The following ELAC2 variants were observed in gnomAD, a reference collection of about 807,000 sequenced individuals.
The protein encoded by ELAC2 is zinc phosphodiesterase ELAC protein 2.
In ELAC2, 92 loss-of-function variants were observed where a neutral mutation model predicts 105.2. The observed-to-expected ratio is 0.87, with a 90% confidence interval of 0.74 to 1.04. The LOEUF is 1.04. Among genes scored for constraint, ELAC2 ranks in the 50% least tolerant of loss-of-function variants. The pLI, the probability that ELAC2 is intolerant of heterozygous loss-of-function variation, is 0.00. For missense variants in ELAC2, 1,099 were observed against 1,071.7 expected (o/e 1.03, Z -0.36); for synonymous variants, 468 against 409.1 (o/e 1.14, Z -1.74).
chr17:13,009,985 G>A (rs1441310644), intron 8 of ELAC2, among the ~76,000 whole-genome samples: 1 of 84,714 alleles, frequency 1.2e-5, no homozygotes, highest in Non-Finnish European at 2.7e-5. Flanking sequence ...AGACAGACAT[G>A]GTCTCAAAAA....
intron 12 of ELAC2, 109 bp downstream of exon 12, chr17:13,003,369 AG>A (rs1420877613): frequency 1.0e-6 from 1 of 994,412 alleles, no homozygotes; most frequent in Non-Finnish European, 1.6e-6. Context: ...CAGAAAGTTT[AG>A]GCAGGTGCAG....
chr17:13,011,825 G>A (rs1430681131), intron 6 of ELAC2, 43 bp from the exon 7 acceptor site: 1 of 1,613,910 alleles, frequency 6.2e-7, no homozygotes, highest in Non-Finnish European at 8.5e-7. Context: ...TGCACAAGGT[G>A]AGCTGACAGC....
chr17:12,992,058 C>T lies in ELAC2; in HGVS notation c.*760G>A, dbSNP rs2040197311. On this transcript the variant is annotated 3_prime_UTR_variant, in exon 24 of 24. Transcript: ENST00000338034. Reference sequence around the variant, plus strand: ...GCAAATCTATTGTCTCCACTTTTACCCAGAACCACCAGAAGACTTGCATTT... The same window carrying T: ...GCAAATCTATTGTCTCCACTTTTACTCAGAACCACCAGAAGACTTGCATTT... Among the ~76,000 whole-genome samples the T allele has an allele frequency of 6.6e-6, 1 of 152,156 alleles. No homozygotes were observed. Among genetic ancestry groups the T allele is most frequent in the Non-Finnish European group, 1.5e-5 (1 of 68,038 alleles).
At chr17:13,001,771 G>A (rs1367262914) in intron 14 of ELAC2, among the ~76,000 whole-genome samples, 4 of 152,138 alleles carry the variant, frequency 2.6e-5, no homozygotes, top group Middle Eastern at 3.2e-3. Context: ...CATCCCAAAT[G>A]AGTAAACATC....
intron 17 of ELAC2, 73 bp downstream of exon 17, chr17:12,996,474 G>C: frequency 6.2e-7 from 1 of 1,606,594 alleles, no homozygotes; most frequent in Non-Finnish European, 8.5e-7. Context: ...AGGAAAAGAC[G>C]CAGCCAAAGG....
rs71144943 is a variant in ELAC2 at position 12,992,127 on chromosome 17, TTTGATTGATTGA to T, written c.*679_*690del. ...GCCCAGCCAGGCTCTCACTGATTGA[TTTGATTGATTGA>T]TTGATTGATTGATAGAGAAAGCACG... On this transcript the variant is annotated 3_prime_UTR_variant, in exon 24 of 24. Transcript: ENST00000338034. Among the ~76,000 whole-genome samples, 55 of 150,762 alleles carry T rather than the reference TTTGATTGATTGA, an allele frequency of 3.6e-4. No homozygotes were observed. Among genetic ancestry groups the T allele is most frequent in the African/African-American group, 1.2e-3 (49 of 40,866 alleles).
chr17:13,005,625 G>T, intron 10 of ELAC2, 128 bp downstream of exon 10: 1 of 922,016 alleles, frequency 1.1e-6, no homozygotes, highest in Non-Finnish European at 1.8e-6. Context: ...TTATCACTTA[G>T]CTGAGTGATG....
Position 13,015,631 on chromosome 17 carries a change from T to A in ELAC2, c.432+137A>T. 4 of 739,640 alleles carry A rather than the reference T, an allele frequency of 5.4e-6. No homozygotes were observed. In the South Asian group the frequency reaches 6.4e-5, roughly 12 times the overall value. 45.8% of individuals were successfully genotyped at this position (739,640 alleles called of 1,614,324 possible). On this transcript the variant is annotated intron_variant, in intron 4 of 23. Coordinates refer to ENST00000338034, the MANE Select transcript of ELAC2 (RefSeq NM_018127.7). ...ATAGTTAATCAGAACTCAAGTCTTTTTAACTTGAAAGGGGAAGCGTTTCAA... is the reference window on the plus strand; with the variant it reads ...ATAGTTAATCAGAACTCAAGTCTTTATAACTTGAAAGGGGAAGCGTTTCAA...
chr17:13,002,613 T>G (rs1339220973), intron 12 of ELAC2, 34 bp from the exon 13 acceptor site: 1 of 1,574,932 alleles, frequency 6.3e-7, no homozygotes, highest in East Asian at 2.3e-5. Context: ...TTGCAGCGTC[T>G]GTTAGGAGGC....
At chr17:12,999,431 C>T (rs570550742) in intron 15 of ELAC2, among the ~76,000 whole-genome samples, 1 of 152,182 alleles carries the variant, frequency 6.6e-6, no homozygotes, top group South Asian at 2.1e-4. Context: ...CAGGGAGACC[C>T]GATGGTTCCA....
chr17:13,003,147 G>T (rs2040915346), intron 12 of ELAC2, among the ~76,000 whole-genome samples: 1 of 152,198 alleles, frequency 6.6e-6, no homozygotes, highest in South Asian at 2.1e-4. Context: ...TTCAGTAAAT[G>T]GAAGCTATCA....
At chr17:12,995,680 G>GA (rs933113956) in intron 19 of ELAC2, 23 bp downstream of exon 19, 5 of 1,592,702 alleles carry the variant, frequency 3.1e-6, no homozygotes, top group Non-Finnish European at 4.3e-6. Flanking sequence ...AGCCCAGCGG[G>GA]CCAGGCTGCC....
In ELAC2 at chr17:12,992,861, G is replaced by A. The variant is rs1225483766; in HGVS notation, c.2438C>T (p.Ala813Val). 3 of 1,613,292 alleles carry A rather than the reference G, an allele frequency of 1.9e-6. No individual in the cohort carries two copies. Among genetic ancestry groups the A allele is most frequent in the Non-Finnish European group, 8.5e-7 (1 of 1,180,030 alleles). Reference protein sequence around the residue: ...LEDGEPQQKRAHTEEPQAKKV... With the variant: ...LEDGEPQQKRVHTEEPQAKKV... ...CTTGGCCTGTGGCTCCTCTGTGTGGGCCCGCTTCTGCTGAGGCTCCCCATC... is the reference window on the plus strand; with the variant it reads ...CTTGGCCTGTGGCTCCTCTGTGTGGACCCGCTTCTGCTGAGGCTCCCCATC... Residue 813 changes from alanine to valine, a missense_variant, in exon 24 of 24, where the codon GCC becomes GTC. Coordinates refer to ENST00000338034, the MANE Select transcript of ELAC2 (RefSeq NM_018127.7).
chr17:13,006,993 C>T (rs542601112), intron 8 of ELAC2, among the ~76,000 whole-genome samples: 6 of 151,842 alleles, frequency 4.0e-5, no homozygotes, highest in African/African-American at 1.5e-4. Flanking sequence ...TGGTGACGTG[C>T]GCCTGTAGTC....
intron 17 of ELAC2, chr17:12,996,284 C>T: frequency 3.1e-6 from 2 of 639,456 alleles, no homozygotes; most frequent in South Asian, 3.7e-5. Flanking sequence ...GCTGAGCAGG[C>T]CGTGTGAGAT....
chr17:13,009,163 TTAAC>T (rs2041272052), intron 8 of ELAC2, among the ~76,000 whole-genome samples: 1 of 152,210 alleles, frequency 6.6e-6, no homozygotes, highest in Non-Finnish European at 1.5e-5. Context: ...ACAGTAGTAC[TTAAC>T]TTTTATGAAA....
intron 6 of ELAC2, among the ~76,000 whole-genome samples, chr17:13,012,584 T>G (rs1428132694): frequency 6.6e-6 from 1 of 152,218 alleles, no homozygotes; most frequent in East Asian, 1.9e-4. Context: ...TTCTCTGGCC[T>G]TTGCTGGGTG....
chr17:13,003,781 T>A (rs1306235477), intron 11 of ELAC2: 2 of 589,328 alleles, frequency 3.4e-6, no homozygotes, highest in African/African-American at 1.9e-5. Context: ...GATTCCTGTA[T>A]CTGGCAAGCT....
In ELAC2 at chr17:12,996,580, C is replaced by T. The variant is rs2040482217; in HGVS notation, c.1626G>A (p.Val542=). 6.2e-7 allele frequency: 1 copy of T among 1,614,100 alleles called. No homozygotes were observed. The highest frequency in any genetic ancestry group is 8.5e-7 in the Non-Finnish European group (1 of 1,180,046). Residue 542 remains valine (V), a synonymous_variant, in exon 17 of 24, where the codon GTG becomes GTA. Transcript: ENST00000338034. ...GATCTGCGTGCAGGTGGGACACAAA[C>T]ACAGCAGCCAGGGTGCCCAGGACCC... is the stretch of plus-strand genomic sequence containing the variant. ...VDRVLGTLAA[V]FVSHLHADHH... is the part of the protein sequence containing the mutation.
Sources: gnomAD v4.1 joint callset for allele counts (sites outside exome capture counted in the v4.1 genomes callset) on GRCh38, gnomAD v4.1.1 for gene constraint, MANE v1.5 for transcripts, NCBI Gene and HGNC (gene_info 2026-07-23, HGNC 2026-07-21) for gene names.